Variants in KIN observed in about 807,000 individuals in gnomAD.
KIN encodes Kin17 DNA and RNA binding protein.
In KIN, 47 loss-of-function variants were observed where a neutral mutation model predicts 63.0. The observed-to-expected ratio is 0.75, with a 90% CI of 0.59 to 0.95. KIN has a LOEUF of 0.95. Among genes scored for constraint, KIN ranks in the 40% least tolerant of loss-of-function variants. The pLI, the probability that KIN is intolerant of heterozygous loss-of-function variation, is 0.00. For missense variants in KIN, 408 were observed against 460.9 expected (o/e 0.89, Z 1.05); for synonymous variants, 160 against 157.7 (o/e 1.01, Z -0.11).
chr10:7,755,939 A>G lies in KIN; in HGVS notation c.*141T>C. 3.9e-6 allele frequency: 1 copy of G among 254,488 alleles called. No individual in the cohort carries two copies. Among genetic ancestry groups the G allele is most frequent in the East Asian group, 4.5e-5 (1 of 22,296 alleles). 15.8% of individuals were successfully genotyped at this position (254,488 alleles called of 1,614,324 possible). A position where few individuals can be genotyped will look rare whatever the true frequency, so the allele number is the denominator to read the frequency against. On this transcript the variant is annotated 3_prime_UTR_variant, in exon 13 of 13. Coordinates refer to ENST00000379562, the MANE Select transcript of KIN (RefSeq NM_012311.4). ...TAAATTCTTCTCAAAGTTTAGCTGA[A>G]CAACTATACAGTAATATTTTCAAAA...
intron 2 of KIN, among the ~76,000 whole-genome samples, chr10:7,781,061 A>C (rs1035426640): frequency 2.6e-5 from 4 of 152,212 alleles, no homozygotes; most frequent in African/African-American, 9.6e-5. Flanking sequence ...ATAAGACATA[A>C]ATCTTAACCT....
intron 12 of KIN, among the ~76,000 whole-genome samples, chr10:7,757,435 T>C (rs1371747614): frequency 6.6e-6 from 1 of 151,832 alleles, no homozygotes; most frequent in Non-Finnish European, 1.5e-5. Context: ...GAGGCAGAGG[T>C]TGCAGTGAGC....
intron 7 of KIN, among the ~76,000 whole-genome samples, chr10:7,770,512 T>C (rs920118427): frequency 2.0e-5 from 3 of 152,258 alleles, no homozygotes; most frequent in African/African-American, 4.8e-5. Flanking sequence ...CCACAGTACC[T>C]TGTGGCATGC....
chr10:7,776,340 A>G (rs1047431033), intron 5 of KIN, among the ~76,000 whole-genome samples: 1 of 148,898 alleles, frequency 6.7e-6, no homozygotes, highest in African/African-American at 2.5e-5. Context: ...CAGGCATTCG[A>G]GATGAGCCTG....
At chr10:7,764,531 G>C (rs1337417066) in intron 9 of KIN, among the ~76,000 whole-genome samples, 1 of 152,212 alleles carries the variant, frequency 6.6e-6, no homozygotes, top group Admixed American at 6.5e-5. Flanking sequence ...ATATCAAAGA[G>C]ATGGTCAAGT....
chr10:7,762,490 G>C lies in KIN; in HGVS notation c.985C>G (p.Gln329Glu), dbSNP rs1391553456. ...GGAATTACTGTCTCTAAATGAGTCT[G>C]GTCAAGTTTCAGCTTGTCTCCAGAA... ...IDSGDKLKLD[Q>E]THLETVIPAP... Residue 329 changes from glutamine to glutamate, a missense_variant, in exon 11 of 13, where the codon CAG becomes GAG. Transcript: ENST00000379562. The C allele has an allele frequency of 6.2e-7, 1 of 1,610,866 alleles. No individual in the cohort carries two copies. The highest frequency in any genetic ancestry group is 8.5e-7 in the Non-Finnish European group (1 of 1,177,786).
rs1329469628 is a variant in KIN at position 7,753,385 on chromosome 10, A to G, written c.*2695T>C. 3 of 152,210 alleles carry G rather than the reference A, an allele frequency of 2.0e-5. No individual in the cohort carries two copies. The highest frequency in any genetic ancestry group is 1.3e-4 in the Admixed American group (2 of 15,284). The allele number at this position is 152,210 out of a possible 1,614,324, so 9.4% of individuals were successfully genotyped here. Reference sequence around the variant, plus strand: ...AAACGTACATACTTGGGGGAGGCATATGTAATTTGTCTGGTTTTACTCATC... The same window carrying G: ...AAACGTACATACTTGGGGGAGGCATGTGTAATTTGTCTGGTTTTACTCATC... On this transcript the variant is annotated 3_prime_UTR_variant, in exon 13 of 13. Coordinates refer to ENST00000379562, the MANE Select transcript of KIN (RefSeq NM_012311.4).
intron 9 of KIN, 145 bp downstream of exon 9, chr10:7,765,908 G>A: frequency 2.0e-6 from 1 of 512,686 alleles, no homozygotes; most frequent in Non-Finnish European, 3.4e-6. Context: ...GATCTAATAG[G>A]AAGAAAAGTC....
At chr10:7,756,272 T>C (rs1835331675) in intron 12 of KIN, 130 bp from the exon 13 acceptor site, 9 of 518,254 alleles carry the variant, frequency 1.7e-5, no homozygotes, top group East Asian at 9.5e-5. Flanking sequence ...TTGTTAACAT[T>C]TGTATACATC....
At chr10:7,768,087 T>C (rs1036809213) in intron 8 of KIN, among the ~76,000 whole-genome samples, 4 of 151,970 alleles carry the variant, frequency 2.6e-5, no homozygotes, top group African/African-American at 9.7e-5. Flanking sequence ...TATTTAGGAG[T>C]AAATTAAGAA....
chr10:7,775,817 T>G lies in KIN; in HGVS notation c.559-18A>C. On this transcript the variant is annotated intron_variant, in intron 5 of 12. Transcript: ENST00000379562. ...GGGACCTCCTAAAAAAAAGAAAGTT[T>G]TAAGGTTTTGGTGTACATTGCACTT... The G allele has an allele frequency of 6.6e-7, 1 of 1,523,172 alleles. No homozygotes were observed. The highest frequency in any genetic ancestry group is 1.2e-5 in the South Asian group (1 of 82,206). The allele number at this position is 1,523,172 out of a possible 1,614,324, so 94.4% of individuals were successfully genotyped here.
rs972443725 is a variant in KIN at position 7,751,109 on chromosome 10, G to A, written c.*4971C>T. On this transcript the variant is annotated 3_prime_UTR_variant, in exon 13 of 13. Transcript: ENST00000379562. Reference sequence around the variant, plus strand: ...TTTATGCTGTCTGCATTTGTATAGTGGATTTTGGTGCTAAGATGCAAGTCT... The same window carrying A: ...TTTATGCTGTCTGCATTTGTATAGTAGATTTTGGTGCTAAGATGCAAGTCT... 7.2e-5 allele frequency: 11 copies of A among 152,186 alleles called. No homozygotes were observed. The highest frequency in any genetic ancestry group is 1.5e-4 in the Non-Finnish European group (10 of 68,030). 9.4% of individuals were successfully genotyped at this position (152,186 alleles called of 1,614,324 possible).
chr10:7,772,156 A>G (rs544451374), intron 7 of KIN, among the ~76,000 whole-genome samples: 2 of 152,158 alleles, frequency 1.3e-5, no homozygotes, highest in African/African-American at 4.8e-5. Context: ...AAAGTCACTT[A>G]ATAGTATGTA....
intron 12 of KIN, among the ~76,000 whole-genome samples, chr10:7,759,240 T>C (rs1835392420): frequency 6.6e-6 from 1 of 152,184 alleles, no homozygotes; most frequent in Admixed American, 6.5e-5. Flanking sequence ...TGCAGTGCAG[T>C]AGTTCAGAGT....
chr10:7,778,710 G>T, intron 5 of KIN, 128 bp downstream of exon 5: 1 of 971,604 alleles, frequency 1.0e-6, no homozygotes, highest in Non-Finnish European at 1.6e-6. Flanking sequence ...CTGCACTCCA[G>T]CCTGGGCGGC....
chr10:7,764,016 A>C (rs1398827355), intron 9 of KIN, among the ~76,000 whole-genome samples: 1 of 152,230 alleles, frequency 6.6e-6, no homozygotes, highest in Admixed American at 6.5e-5. Flanking sequence ...AAGAGGAAAA[A>C]AATATATACA....
chr10:7,756,837 T>A (rs1452534435), intron 12 of KIN, among the ~76,000 whole-genome samples: 4 of 152,016 alleles, frequency 2.6e-5, no homozygotes, highest in Non-Finnish European at 5.9e-5. Flanking sequence ...ATAAAAAGAG[T>A]CCAACTTTAA....
chr10:7,769,155 G>A (rs755076414), intron 8 of KIN, 61 bp downstream of exon 8: 44 of 1,447,442 alleles, frequency 3.0e-5, no homozygotes, highest in Non-Finnish European at 4.1e-5. Context: ...TCTAATAAAT[G>A]GTGAAATGAT....
At chr10:7,758,531 C>T (rs968747837) in intron 12 of KIN, among the ~76,000 whole-genome samples, 13 of 152,120 alleles carry the variant, frequency 8.5e-5, no homozygotes, top group African/African-American at 2.4e-4. Context: ...ACACAACCTG[C>T]GAACCAAAGG....
Sources: gnomAD v4.1 joint callset for allele counts (sites outside exome capture counted in the v4.1 genomes callset) on GRCh38, gnomAD v4.1.1 for gene constraint, MANE v1.5 for transcripts, NCBI Gene and HGNC (gene_info 2026-07-23, HGNC 2026-07-21) for gene names.